KCNJ3: variants seen among roughly 807,000 people sequenced by gnomAD.
The protein encoded by KCNJ3 is G protein-activated inward rectifier potassium channel 1.
KCNJ3 carries 4 observed loss-of-function variants against 39.2 expected under a neutral mutation model. The observed-to-expected ratio is 0.10, with a 90% CI of 0.05 to 0.23. KCNJ3 has a LOEUF of 0.23. KCNJ3 is among the 10% of genes least tolerant of loss of function. KCNJ3 has a pLI of 1.00. For synonymous variants in KCNJ3, 230 were observed against 237.4 expected (o/e 0.97, Z 0.29); for missense variants, 276 against 634.9 (o/e 0.43, Z 6.08).
chr2:154,854,200 A>G (rs1315292342), intron 2 of KCNJ3, among the ~76,000 whole-genome samples: 4 of 152,186 alleles, frequency 2.6e-5, no homozygotes, highest in Non-Finnish European at 4.4e-5. Context: ...GACAAATTTT[A>G]CATTTCTGTA....
chr2:154,711,316 C>T (rs1160664276), intron 2 of KCNJ3, among the ~76,000 whole-genome samples: 1 of 151,978 alleles, frequency 6.6e-6, no homozygotes, highest in East Asian at 1.9e-4. Context: ...GGCTTAAAAA[C>T]AGATGTTGCC....
intron 2 of KCNJ3, among the ~76,000 whole-genome samples, chr2:154,789,009 G>A (rs921578011): frequency 2.6e-5 from 4 of 152,016 alleles, no homozygotes; most frequent in Non-Finnish European, 5.9e-5. Context: ...TTTGAAGTTT[G>A]AGAAACCATT....
intron 2 of KCNJ3, among the ~76,000 whole-genome samples, chr2:154,797,573 A>G (rs937986106): frequency 2.6e-5 from 4 of 152,074 alleles, no homozygotes; most frequent in African/African-American, 7.2e-5. Flanking sequence ...ATTATTTTAT[A>G]AAATAAAAAG....
intron 2 of KCNJ3, among the ~76,000 whole-genome samples, chr2:154,747,340 G>T (rs1685765607): frequency 6.6e-6 from 1 of 152,062 alleles, no homozygotes; most frequent in East Asian, 1.9e-4. Context: ...AGATTAAAGG[G>T]TTTTTGAGGG....
intron 2 of KCNJ3, among the ~76,000 whole-genome samples, chr2:154,844,477 T>TCAGAGCTGTCAGACAG (rs1233303242): frequency 2.0e-5 from 3 of 152,214 alleles, no homozygotes; most frequent in African/African-American, 7.2e-5. Context: ...ACTGCTCTCT[T>TCAGAGCTGTCAGACAG]CAGAGCTGTC....
intron 2 of KCNJ3, among the ~76,000 whole-genome samples, chr2:154,798,928 CGTGT>C (rs138336074): frequency 2.0e-5 from 3 of 148,856 alleles, no homozygotes; most frequent in African/African-American, 7.4e-5. Context: ...ATGTGCATGC[CGTGT>C]GTGTGTGTGT....
chr2:154,795,045 A>AG (rs568319720), intron 2 of KCNJ3, among the ~76,000 whole-genome samples: 178 of 152,098 alleles, frequency 1.2e-3, no homozygotes, highest in South Asian at 2.7e-3. Context: ...TGTAATACTA[A>AG]GGGGGAAATG....
At chr2:154,759,014 A>AG (rs1321421708) in intron 2 of KCNJ3, among the ~76,000 whole-genome samples, 33 of 152,198 alleles carry the variant, frequency 2.2e-4, no homozygotes, top group Non-Finnish European at 3.2e-4. Context: ...AAAACAGAAA[A>AG]ACAAGTTTCA....
chr2:154,742,487 C>T (rs1029209995), intron 2 of KCNJ3, among the ~76,000 whole-genome samples: 4 of 151,680 alleles, frequency 2.6e-5, no homozygotes, highest in African/African-American at 9.7e-5. Flanking sequence ...TTTTATATTC[C>T]CATCAACAGT....
chr2:154,725,133 ATTGT>A (rs1358213773), intron 2 of KCNJ3, among the ~76,000 whole-genome samples: 1 of 151,070 alleles, frequency 6.6e-6, no homozygotes, highest in African/African-American at 2.4e-5. Flanking sequence ...ACTCCAGCCT[ATTGT>A]TTGTTTGTTT....
chr2:154,781,508 G>T (rs778956560), intron 2 of KCNJ3, among the ~76,000 whole-genome samples: 1 of 152,158 alleles, frequency 6.6e-6, no homozygotes, highest in Non-Finnish European at 1.5e-5. Context: ...AAAGAAAAAG[G>T]AAGCAGCACA....
At position 154,856,922 on chromosome 2, in the gene KCNJ3, T is replaced by C. The variant is rs1279623067; in HGVS notation, c.*1609T>C. 1 of 152,206 alleles carries C rather than the reference T, an allele frequency of 6.6e-6. No homozygotes were observed. The highest frequency in any genetic ancestry group is 1.5e-5 in the Non-Finnish European group (1 of 68,042). The allele number at this position is 152,206 out of a possible 1,614,324, so 9.4% of individuals were successfully genotyped here. On this transcript the variant is annotated 3_prime_UTR_variant, in exon 3 of 3. Coordinates refer to ENST00000295101, the MANE Select transcript of KCNJ3 (RefSeq NM_002239.4). ...CTGCCCCAACTTTAAAAAAAATTCT[T>C]ATTAATATGTCAGTCATTAATTGCT...
At chr2:154,710,264 T>C (rs976396280) in intron 2 of KCNJ3, among the ~76,000 whole-genome samples, 3 of 152,168 alleles carry the variant, frequency 2.0e-5, no homozygotes, top group Admixed American at 2.0e-4. Flanking sequence ...GCAACCTCAG[T>C]GGAAAATTCC....
intron 2 of KCNJ3, among the ~76,000 whole-genome samples, chr2:154,778,275 T>C (rs936432285): frequency 6.6e-6 from 1 of 152,194 alleles, no homozygotes; most frequent in African/African-American, 2.4e-5. Flanking sequence ...TAATAATTCA[T>C]TTTGTTCTTT....
chr2:154,784,493 C>T (rs1430795154), intron 2 of KCNJ3, among the ~76,000 whole-genome samples: 3 of 152,198 alleles, frequency 2.0e-5, no homozygotes, highest in African/African-American at 7.2e-5. Context: ...AGCAATTCTC[C>T]TGCCTCAGCC....
intron 2 of KCNJ3, among the ~76,000 whole-genome samples, chr2:154,822,770 A>T (rs556387031): frequency 6.6e-6 from 1 of 152,130 alleles, no homozygotes; most frequent in Non-Finnish European, 1.5e-5. Flanking sequence ...TTCTAAAAGT[A>T]CCAGCAGTTG....
intron 2 of KCNJ3, among the ~76,000 whole-genome samples, chr2:154,841,530 TG>T (rs1343168811): frequency 2.0e-5 from 3 of 152,206 alleles, no homozygotes; most frequent in Non-Finnish European, 4.4e-5. Context: ...TTTGTACCTT[TG>T]GTAGAATTTG....
chr2:154,845,699 A>T (rs1321033063), intron 2 of KCNJ3, among the ~76,000 whole-genome samples: 1 of 152,038 alleles, frequency 6.6e-6, no homozygotes, highest in Admixed American at 6.6e-5. Context: ...GGCCAGGTAC[A>T]GTGGCTCACG....
At chr2:154,764,976 G>T (rs911890681) in intron 2 of KCNJ3, among the ~76,000 whole-genome samples, 1 of 152,102 alleles carries the variant, frequency 6.6e-6, no homozygotes, top group African/African-American at 2.4e-5. Context: ...ACACACTTTT[G>T]CCTACTTAAA....
Sources: allele counts gnomAD v4.1 joint callset (sites outside exome capture counted in the v4.1 genomes callset), GRCh38; gene constraint gnomAD v4.1.1; transcripts MANE v1.5; gene names NCBI Gene and HGNC (gene_info 2026-07-23, HGNC 2026-07-21).